The following CHORDC1 variants were observed in gnomAD, a reference collection of about 807,000 sequenced individuals.
CHORDC1 encodes cysteine and histidine-rich domain-containing protein 1.
A neutral mutation model predicts 48.3 loss-of-function variants in CHORDC1; 25 were observed. The observed-to-expected ratio is 0.52, with a 90% CI of 0.38 to 0.72. The LOEUF (loss-of-function observed/expected upper bound fraction) is 0.72. Ranked by LOEUF, CHORDC1 falls within the 30% of genes least tolerant of loss-of-function variation. The pLI, the probability that CHORDC1 is intolerant of heterozygous loss-of-function variation, is 0.00. For synonymous variants in CHORDC1, 128 were observed against 126.4 expected, an observed-to-expected ratio of 1.01 and a Z score of -0.09; for missense variants, 317 against 388.7, an observed-to-expected ratio of 0.82 and a Z score of 1.55.
At position 90,218,197 on chromosome 11, in the gene CHORDC1, G is replaced by T; in HGVS notation, c.65-13C>A. On this transcript the variant is annotated splice_polypyrimidine_tract_variant and intron_variant, in intron 1 of 10. Transcript: ENST00000320585. ...TATGTGCAAGCATCTGGAGAAAACA[G>T]AGAAAAAAAAAAAAGTACCACTCTT... The T allele has an allele frequency of 6.8e-7, 1 of 1,478,622 alleles. No homozygotes were observed. Among genetic ancestry groups the T allele is most frequent in the South Asian group, 1.4e-5 (1 of 73,124 alleles). 91.6% of individuals were successfully genotyped at this position (1,478,622 alleles called of 1,614,324 possible). A position where few individuals can be genotyped will look rare whatever the true frequency, so the allele number is the denominator to read the frequency against.
At chr11:90,206,338 G>T in intron 6 of CHORDC1, 66 bp from the exon 7 acceptor site, 1 of 893,766 alleles carries the variant, frequency 1.1e-6, no homozygotes, top group Non-Finnish European at 1.9e-6. Flanking sequence ...ATACATATTT[G>T]CAGTATTGGT....
chr11:90,202,167 G>C lies in CHORDC1; in HGVS notation c.*238C>G, dbSNP rs1012454407. ...TACTTTCCAGCCTCTTCAAGTATAG[G>C]ACACAACTATGGTTCCTACCAGTAG... On this transcript the variant is annotated 3_prime_UTR_variant, in exon 11 of 11. Transcript: ENST00000320585. The C allele has an allele frequency of 6.7e-6, 3 of 450,332 alleles. No homozygotes were observed. The highest frequency in any genetic ancestry group is 6.1e-5 in the African/African-American group (3 of 49,306). The allele number at this position is 450,332 out of a possible 1,614,324, so 27.9% of individuals were successfully genotyped here. A position where few individuals can be genotyped will look rare whatever the true frequency, so the allele number is the denominator to read the frequency against.
chr11:90,215,345 T>A (rs754687946), intron 2 of CHORDC1, 115 bp from the exon 3 acceptor site: 12 of 532,220 alleles, frequency 2.3e-5, no homozygotes, highest in Admixed American at 3.9e-5. Context: ...GCGTATAGAG[T>A]GCAAAATTTC....
Position 90,209,296 on chromosome 11 carries a change from C to T in CHORDC1, c.492+1240G>A, listed in dbSNP as rs1016915910. ...CACCAATCACCCAGATGCTTGAATTCCCTTCACATCGAATCCATTAGCAAA... is the reference window on the plus strand; with the variant it reads ...CACCAATCACCCAGATGCTTGAATTTCCTTCACATCGAATCCATTAGCAAA... On this transcript the variant is annotated intron_variant, in intron 6 of 10. Coordinates refer to ENST00000320585, the MANE Select transcript of CHORDC1 (RefSeq NM_012124.3). The T allele has an allele frequency of 3.3e-5, 5 of 152,128 alleles. No individual in the cohort carries two copies. In the East Asian group the frequency reaches 7.7e-4, roughly 23 times the overall value. The allele number at this position is 152,128 out of a possible 1,614,324, so 9.4% of individuals were successfully genotyped here.
At chr11:90,206,574 T>C (rs984858504) in intron 6 of CHORDC1, 4 of 358,104 alleles carry the variant, frequency 1.1e-5, no homozygotes, top group East Asian at 1.4e-4. Context: ...AAAAACAATG[T>C]TGAAACCAAG....
intron 1 of CHORDC1, among the ~76,000 whole-genome samples, chr11:90,218,560 C>T (rs1858078243): frequency 6.6e-6 from 1 of 152,172 alleles, no homozygotes; most frequent in African/African-American, 2.4e-5. Context: ...TTCTTATGTG[C>T]ATTCATCCAT....
chr11:90,221,900 A>G (rs1858180917), intron 1 of CHORDC1, among the ~76,000 whole-genome samples: 1 of 152,244 alleles, frequency 6.6e-6, no homozygotes, highest in Non-Finnish European at 1.5e-5. Flanking sequence ...ACAATAATGA[A>G]GGATGTTATT....
rs1168174194 is a variant in CHORDC1 at position 90,205,446 on chromosome 11, G to A, written c.669+14C>T. 5.6e-6 allele frequency: 7 copies of A among 1,242,706 alleles called. No homozygotes were observed. The highest frequency in any genetic ancestry group is 2.3e-4 in the Middle Eastern group (1 of 4,290). 77.0% of individuals were successfully genotyped at this position (1,242,706 alleles called of 1,614,324 possible). A position where few individuals can be genotyped will look rare whatever the true frequency, so the allele number is the denominator to read the frequency against. ...ATATAAACCCAGTGTGCTATTTTTG[G>A]AAGAGTTACTTACAGCATCTTTTTT... is the stretch of plus-strand genomic sequence containing the variant. On this transcript the variant is annotated intron_variant, in intron 8 of 10. Coordinates refer to ENST00000320585, the MANE Select transcript of CHORDC1 (RefSeq NM_012124.3).
intron 9 of CHORDC1, 59 bp downstream of exon 9, chr11:90,203,249 T>C (rs1472516462): frequency 7.0e-7 from 1 of 1,426,164 alleles, no homozygotes; most frequent in African/African-American, 1.4e-5. Flanking sequence ...TAAAATACAG[T>C]AACATAAAGA....
intron 5 of CHORDC1, chr11:90,210,924 G>A (rs1408010246): frequency 3.3e-6 from 1 of 306,144 alleles, no homozygotes; most frequent in Non-Finnish European, 5.9e-6. Context: ...TAATGTACAA[G>A]AAAACATTTT....
chr11:90,217,571 C>T (rs775660142), intron 2 of CHORDC1, among the ~76,000 whole-genome samples: 1 of 152,068 alleles, frequency 6.6e-6, no homozygotes. Flanking sequence ...TCAATACAAC[C>T]ACTCTATTTT....
Position 90,205,458 on chromosome 11 carries a change from A to T in CHORDC1, c.669+2T>A. 1 of 1,549,914 alleles carries T rather than the reference A, an allele frequency of 6.5e-7. No homozygotes were observed. Among genetic ancestry groups the T allele is most frequent in the Non-Finnish European group, 8.9e-7 (1 of 1,128,354 alleles). ...TGTGCTATTTTTGGAAGAGTTACTT[A>T]CAGCATCTTTTTTAGTCCACATGTG... On this transcript the variant is annotated splice_donor_variant, in intron 8 of 10. Transcript: ENST00000320585. LOFTEE classifies it high-confidence loss of function.
intron 6 of CHORDC1, chr11:90,206,774 G>T: frequency 7.8e-7 from 1 of 1,288,040 alleles, no homozygotes; most frequent in Middle Eastern, 2.1e-4. Context: ...GGTTTGTCTG[G>T]AAGATCCGGG....
At chr11:90,221,179 A>T (rs904089123) in intron 1 of CHORDC1, among the ~76,000 whole-genome samples, 2 of 152,126 alleles carry the variant, frequency 1.3e-5, no homozygotes, top group South Asian at 2.1e-4. Context: ...TTGCTTGTGT[A>T]TTTACCTCTT....
intron 4 of CHORDC1, chr11:90,212,246 G>T (rs1054267001): frequency 2.0e-5 from 3 of 151,678 alleles, no homozygotes; most frequent in Non-Finnish European, 2.9e-5. Flanking sequence ...TCATGGGGAT[G>T]CCTTTTTCCC....
intron 2 of CHORDC1, 138 bp from the exon 3 acceptor site, chr11:90,215,368 A>C (rs1857982080): frequency 2.1e-6 from 1 of 470,662 alleles, no homozygotes; most frequent in Admixed American, 4.1e-5. Flanking sequence ...TGTTGCATAT[A>C]ATTCACCTAA....
intron 4 of CHORDC1, chr11:90,212,609 AAAAAG>A (rs563086704): frequency 1.3e-4 from 20 of 152,146 alleles, no homozygotes; most frequent in Non-Finnish European, 2.2e-4. Context: ...TCTTCTTAAA[AAAAAG>A]AAAAGTATGT....
intron 1 of CHORDC1, 113 bp from the exon 2 acceptor site, chr11:90,218,297 C>A: frequency 1.4e-6 from 1 of 692,220 alleles, no homozygotes; most frequent in Non-Finnish European, 2.3e-6. Flanking sequence ...AACGCAAGTA[C>A]CTTAAAAAGG....
chr11:90,219,697 T>G (rs542763266), intron 1 of CHORDC1, among the ~76,000 whole-genome samples: 7 of 152,334 alleles, frequency 4.6e-5, no homozygotes, highest in African/African-American at 1.4e-4. Flanking sequence ...TTAGTAAATC[T>G]CCATTGGAGG....
Sources: gnomAD v4.1 joint callset for allele counts (sites outside exome capture counted in the v4.1 genomes callset) on GRCh38, gnomAD v4.1.1 for gene constraint, MANE v1.5 for transcripts, NCBI Gene and HGNC (gene_info 2026-07-23, HGNC 2026-07-21) for gene names.